Variants in STK33 observed in about 807,000 individuals in gnomAD.
STK33 encodes the protein serine/threonine-protein kinase 33.
STK33 carries 52 observed loss-of-function variants against 58.0 expected under a neutral mutation model. The observed-to-expected ratio is 0.90, with a 90% CI of 0.72 to 1.13. The LOEUF is 1.13. Among genes scored for constraint, STK33 ranks in the 50% most tolerant of loss-of-function variants. The pLI is 0.00. For missense variants in STK33, 630 were observed against 604.2 expected (o/e 1.04, Z -0.45); for synonymous variants, 215 against 200.1 (o/e 1.07, Z -0.63).
At chr11:8,410,753 G>A (rs547273461) in intron 15 of STK33, among the ~76,000 whole-genome samples, 3 of 152,166 alleles carry the variant, frequency 2.0e-5, no homozygotes, top group Non-Finnish European at 2.9e-5. Flanking sequence ...GATTACAGGC[G>A]TGAACCACCA....
chr11:8,399,362 T>C (rs1849966769), intron 15 of STK33, among the ~76,000 whole-genome samples: 1 of 151,002 alleles, frequency 6.6e-6, no homozygotes, highest in Admixed American at 6.6e-5. Context: ...TGCTCCTGAA[T>C]GACTACTGGG....
chr11:8,393,995 A>G (rs895599758), intron 15 of STK33, among the ~76,000 whole-genome samples: 1 of 152,196 alleles, frequency 6.6e-6, no homozygotes, highest in African/African-American at 2.4e-5. Context: ...GTATATGCTA[A>G]TTCTTGAGCA....
At chr11:8,378,429 A>G in the STK33 span, among the ~76,000 whole-genome samples, 1 of 152,206 alleles carries the variant, frequency 6.6e-6, no homozygotes, top group East Asian at 1.9e-4. Flanking sequence ...GAGGCAGGAG[A>G]ATCGCTTGAA....
At chr11:8,395,157 C>T (rs865969169) in intron 15 of STK33, among the ~76,000 whole-genome samples, 5 of 152,128 alleles carry the variant, frequency 3.3e-5, no homozygotes, top group Non-Finnish European at 5.9e-5. Context: ...TTCATTGATG[C>T]GGTTTGGCTG....
chr11:8,551,548 G>A (rs1017083806), intron 1 of STK33, among the ~76,000 whole-genome samples: 2 of 152,114 alleles, frequency 1.3e-5, no homozygotes, highest in Non-Finnish European at 2.9e-5. Context: ...CAATCCTTGT[G>A]TCTTTTTGTT....
At chr11:8,566,840 T>C (rs1388843906) in intron 1 of STK33, among the ~76,000 whole-genome samples, 4 of 152,350 alleles carry the variant, frequency 2.6e-5, no homozygotes, top group East Asian at 1.9e-4. Context: ...AGGACTTTAA[T>C]ACAGTTATAA....
rs1430448144 is a variant in STK33, at chr11:8,474,761, C to T, written c.145G>A (p.Gly49Ser). The T allele has an allele frequency of 6.2e-7, 1 of 1,612,240 alleles. No homozygotes were observed. Among genetic ancestry groups the T allele is most frequent in the Non-Finnish European group, 8.5e-7 (1 of 1,179,278 alleles). The change falls in exon 5 of 16, where the codon GGT (glycine) becomes AGT (serine). Residue 49 changes from glycine (G) to serine (S), a missense_variant. Transcript: ENST00000687296. ...VVEMSQTSSI[G>S]SAESLISLER... ...AGTGAAATTAAAGATTCTGCACTACCAATGCTTGATGTCTGTGACATTTCC... is the reference window on the plus strand; with the variant it reads ...AGTGAAATTAAAGATTCTGCACTACTAATGCTTGATGTCTGTGACATTTCC...
At chr11:8,518,064 G>A (rs1302310960) in intron 1 of STK33, among the ~76,000 whole-genome samples, 2 of 152,124 alleles carry the variant, frequency 1.3e-5, no homozygotes, top group East Asian at 3.9e-4. Flanking sequence ...TTGAAATGAA[G>A]GAAAAAATGT....
chr11:8,512,352 G>GA (rs1952403448), intron 1 of STK33, among the ~76,000 whole-genome samples: 3 of 151,928 alleles, frequency 2.0e-5, no homozygotes, highest in Admixed American at 2.0e-4. Flanking sequence ...ATATCAACCA[G>GA]AGTCTCTAAA....
chr11:8,559,334 T>C (rs1326714397), intron 1 of STK33, among the ~76,000 whole-genome samples: 1 of 152,194 alleles, frequency 6.6e-6, no homozygotes, highest in African/African-American at 2.4e-5. Context: ...CTTAGCATTT[T>C]TTCCTGCCCC....
the STK33 span, among the ~76,000 whole-genome samples, chr11:8,352,680 T>C: frequency 0.014 from 2,111 of 152,316 alleles, 48 homozygotes; most frequent in African/African-American, 0.047. Context: ...AGTAATTAAG[T>C]AGAATGACTC....
intron 1 of STK33, among the ~76,000 whole-genome samples, chr11:8,535,684 A>G (rs1472745256): frequency 6.6e-6 from 1 of 152,216 alleles, no homozygotes; most frequent in Non-Finnish European, 1.5e-5. Context: ...AAGATTTCTC[A>G]AAAACTAAAA....
intron 1 of STK33, among the ~76,000 whole-genome samples, chr11:8,508,140 C>T (rs1480059661): frequency 2.0e-5 from 3 of 152,116 alleles, no homozygotes; most frequent in Non-Finnish European, 4.4e-5. Flanking sequence ...ATCTGCCCAC[C>T]TTGGCCTCCT....
chr11:8,474,579 T>C (rs1591357137), intron 5 of STK33, 102 bp downstream of exon 5: 2 of 811,036 alleles, frequency 2.5e-6, no homozygotes, highest in African/African-American at 1.8e-5. Flanking sequence ...ATGAAGGCAA[T>C]GAATTAGCTA....
the STK33 span, among the ~76,000 whole-genome samples, chr11:8,353,493 T>C: frequency 1.3e-5 from 2 of 152,194 alleles, no homozygotes; most frequent in Non-Finnish European, 2.9e-5. Flanking sequence ...GTTCCACTGA[T>C]ACCTACTAGA....
At chr11:8,463,234 C>G (rs1016736770) in intron 7 of STK33, among the ~76,000 whole-genome samples, 1 of 152,128 alleles carries the variant, frequency 6.6e-6, no homozygotes, top group African/African-American at 2.4e-5. Flanking sequence ...TTCCATGAAC[C>G]AGGGTTGCGG....
chr11:8,489,272 G>A lies in STK33; in HGVS notation c.-465-8658C>T, dbSNP rs72853407. Among the ~76,000 whole-genome samples, 860 of 125,678 alleles carry A rather than the reference G, an allele frequency of 6.8e-3. 1 individual carries two copies. The highest frequency in any genetic ancestry group is 9.0e-3 in the East Asian group (39 of 4,338). 82.4% of individuals were successfully genotyped at this position (125,678 alleles called of 152,430 possible). A position where few individuals can be genotyped will look rare whatever the true frequency, so the allele number is the denominator to read the frequency against. On this transcript the variant is annotated intron_variant, in intron 1 of 15. Coordinates refer to ENST00000687296, the MANE Select transcript of STK33 (RefSeq NM_001352389.2). The stretch of plus-strand genomic sequence containing the variant: ...AAGCTATCTCCAAAAAAAAAAAAAA[G>A]AAAAAAAAAAAGAAAGAAAAGAAAA...
chr11:8,553,118 A>G (rs1956417963), intron 1 of STK33, among the ~76,000 whole-genome samples: 1 of 146,776 alleles, frequency 6.8e-6, no homozygotes, highest in East Asian at 2.0e-4. Flanking sequence ...TGCTGAAGCC[A>G]CTGTACTCTA....
intron 1 of STK33, among the ~76,000 whole-genome samples, chr11:8,514,395 G>A (rs552550580): frequency 1.7e-4 from 26 of 151,956 alleles, no homozygotes; most frequent in Non-Finnish European, 3.1e-4. Flanking sequence ...CCACTCTATG[G>A]GGGAAAAAAA....
Sources: allele counts gnomAD v4.1 joint callset (sites outside exome capture counted in the v4.1 genomes callset), GRCh38; gene constraint gnomAD v4.1.1; transcripts MANE v1.5; gene names NCBI Gene and HGNC (gene_info 2026-07-23, HGNC 2026-07-21).